The following IL1RAPL2 variants were observed in gnomAD, a reference collection of about 807,000 sequenced individuals.
The protein encoded by IL1RAPL2 is X-linked interleukin-1 receptor accessory protein-like 2.
A neutral mutation model predicts 44.1 loss-of-function variants in IL1RAPL2; 3 were observed. The ratio of observed to expected loss-of-function variants is 0.07; its 90% CI spans 0.03 to 0.18. The LOEUF is 0.18. Ranked by LOEUF, IL1RAPL2 falls within the 10% of genes least tolerant of loss-of-function variation. The pLI is 1.00. For missense variants in IL1RAPL2, 391 were observed against 496.4 expected, an observed-to-expected ratio of 0.79 and a Z score of 2.02; for synonymous variants, 181 against 178.8, an observed-to-expected ratio of 1.01 and a Z score of -0.10.
At chrX:105,115,962 C>T (rs1221242993) in intron 2 of IL1RAPL2, among the ~76,000 whole-genome samples, 1 of 113,341 alleles carries the variant, frequency 8.8e-6, no homozygotes, top group Non-Finnish European at 1.9e-5. Flanking sequence ...GGTGCTAAGC[C>T]CCTCACTGCC....
chrX:105,240,890 T>A (rs191599594), intron 4 of IL1RAPL2, among the ~76,000 whole-genome samples: 1 of 111,351 alleles, frequency 9.0e-6, no homozygotes, highest in East Asian at 2.8e-4. Flanking sequence ...TTTGGGAGGC[T>A]GAGGCAGGCG....
Position 105,086,728 on chromosome X carries a change from GTA to G in IL1RAPL2, c.83-108742_83-108741del, listed in dbSNP as rs1194985660. On this transcript the variant is annotated intron_variant, in intron 2 of 10. Transcript: ENST00000372582. ...TATGTGTGTGTGTGTGTGTGTGTGT[GTA>G]TATAATCAGATTGTACCCCATAAAT... 4.7e-4 allele frequency among the ~76,000 whole-genome samples: 46 copies of G among 97,073 alleles called. No homozygotes were observed. In the East Asian group the frequency reaches 6.9e-3, roughly 15 times the overall value. 84.3% of individuals were successfully genotyped at this position (97,073 alleles called of 115,157 possible). A position where few individuals can be genotyped will look rare whatever the true frequency, so the allele number is the denominator to read the frequency against.
At chrX:105,127,696 G>T (rs1453298276) in intron 2 of IL1RAPL2, among the ~76,000 whole-genome samples, 1 of 110,517 alleles carries the variant, frequency 9.0e-6, no homozygotes, top group Non-Finnish European at 1.9e-5. Flanking sequence ...ATTTCTTCAG[G>T]TTTTTATACC....
intron 6 of IL1RAPL2, among the ~76,000 whole-genome samples, chrX:105,587,816 A>G (rs1258977058): frequency 8.9e-6 from 1 of 111,825 alleles, no homozygotes; most frequent in Admixed American, 9.5e-5. Flanking sequence ...AGGTGTGAGG[A>G]TGGCTTGAGT....
chrX:105,590,289 T>C (rs2037159057), intron 6 of IL1RAPL2, among the ~76,000 whole-genome samples: 1 of 111,473 alleles, frequency 9.0e-6, no homozygotes, highest in African/African-American at 3.3e-5. Flanking sequence ...AGAGACCATG[T>C]GGTTTTCTAA....
chrX:105,578,937 T>C lies in IL1RAPL2; in HGVS notation c.772+94550T>C, dbSNP rs150066023. ...GCTTTCTTTCTCTTCAGGAATTGAA[T>C]CATATTGGATGGAAACTCTAGCTAC... On this transcript the variant is annotated intron_variant, in intron 6 of 10. Transcript: ENST00000372582. Among the ~76,000 whole-genome samples the C allele has an allele frequency of 9.2e-4, 103 of 111,791 alleles. 1 individual carries two copies. The East Asian group carries it at 0.027, about 29-fold the overall frequency.
At chrX:105,479,386 G>A (rs760422625) in intron 5 of IL1RAPL2, among the ~76,000 whole-genome samples, 5 of 111,557 alleles carry the variant, frequency 4.5e-5, no homozygotes, top group African/African-American at 9.8e-5. Context: ...AAATTAATGC[G>A]ATGTGAATGA....
chrX:104,970,144 T>C (rs1322384592), intron 2 of IL1RAPL2, among the ~76,000 whole-genome samples: 2 of 111,598 alleles, frequency 1.8e-5, no homozygotes, highest in African/African-American at 6.5e-5. Context: ...TCCTGGTTTG[T>C]GAGAAAAAAG....
intron 6 of IL1RAPL2, among the ~76,000 whole-genome samples, chrX:105,668,677 C>A (rs1485878433): frequency 3.6e-5 from 4 of 112,036 alleles, no homozygotes; most frequent in Non-Finnish European, 7.5e-5. Context: ...ATCAGTGATT[C>A]CTGTTTTGAT....
At chrX:105,447,253 T>A (rs1378830160) in intron 5 of IL1RAPL2, among the ~76,000 whole-genome samples, 1 of 18,562 alleles carries the variant, frequency 5.4e-5, no homozygotes, top group African/African-American at 1.0e-3. Context: ...TATAAATATA[T>A]ATAAATATAT....
intron 6 of IL1RAPL2, among the ~76,000 whole-genome samples, chrX:105,683,513 TCAATTTC>T (rs1321098696): frequency 1.2e-4 from 13 of 104,202 alleles, no homozygotes; most frequent in Non-Finnish European, 2.3e-4. Context: ...TTCCCCAGTT[TCAATTTC>T]CAATATAGTA....
intron 2 of IL1RAPL2, among the ~76,000 whole-genome samples, chrX:104,935,698 A>C (rs759288791): frequency 8.9e-6 from 1 of 112,139 alleles, no homozygotes; most frequent in Admixed American, 9.5e-5. Context: ...CCATACTTGC[A>C]GAGCCAAAAT....
chrX:105,032,534 T>G (rs895125149), intron 2 of IL1RAPL2, among the ~76,000 whole-genome samples: 6 of 111,877 alleles, frequency 5.4e-5, no homozygotes, highest in African/African-American at 2.0e-4. Context: ...AGTTGAGCAG[T>G]TTTGAGTAAG....
At chrX:104,712,959 A>T (rs1324295163) in intron 2 of IL1RAPL2, among the ~76,000 whole-genome samples, 1 of 110,955 alleles carries the variant, frequency 9.0e-6, no homozygotes, top group Non-Finnish European at 1.9e-5. Flanking sequence ...GATAATAAAA[A>T]CAGGTCCATA....
At chrX:105,167,087 C>T (rs1171598467) in intron 2 of IL1RAPL2, among the ~76,000 whole-genome samples, 2 of 112,137 alleles carry the variant, frequency 1.8e-5, no homozygotes, top group Non-Finnish European at 3.8e-5. Context: ...GATAACTAGG[C>T]AAGCTGGATT....
intron 2 of IL1RAPL2, among the ~76,000 whole-genome samples, chrX:104,850,746 T>C (rs1922203608): frequency 9.0e-6 from 1 of 111,539 alleles, no homozygotes; most frequent in South Asian, 3.7e-4. Context: ...AATGAGTATA[T>C]TTTAATACTA....
At chrX:105,485,548 C>A (rs1038927616) in intron 6 of IL1RAPL2, among the ~76,000 whole-genome samples, 2 of 111,363 alleles carry the variant, frequency 1.8e-5, no homozygotes, top group African/African-American at 6.5e-5. Flanking sequence ...AATACTAGAT[C>A]TTACTGATTC....
At chrX:104,902,485 T>A (rs1051157195) in intron 2 of IL1RAPL2, among the ~76,000 whole-genome samples, 1 of 112,270 alleles carries the variant, frequency 8.9e-6, no homozygotes, top group Non-Finnish European at 1.9e-5. Flanking sequence ...TGGCCTATTT[T>A]GAATTCTATT....
At chrX:105,085,246 T>C (rs1052970508) in intron 2 of IL1RAPL2, among the ~76,000 whole-genome samples, 6 of 112,075 alleles carry the variant, frequency 5.4e-5, no homozygotes, top group African/African-American at 9.7e-5. Context: ...ACAACCTATA[T>C]TGAAAGAAAA....
Sources: gnomAD v4.1 joint callset for allele counts (sites outside exome capture counted in the v4.1 genomes callset) on GRCh38, gnomAD v4.1.1 for gene constraint, MANE v1.5 for transcripts, NCBI Gene and HGNC (gene_info 2026-07-23, HGNC 2026-07-21) for gene names.